The following SYCP2L variants were observed in gnomAD, a reference collection of about 807,000 sequenced individuals.
SYCP2L encodes the protein synaptonemal complex protein 2-like.
In SYCP2L, 98 loss-of-function variants were observed where a neutral mutation model predicts 125.8. The observed-to-expected ratio is 0.78, with a 90% CI of 0.66 to 0.92. SYCP2L has a LOEUF of 0.92. Ranked by LOEUF, SYCP2L falls within the 40% of genes least tolerant of loss-of-function variation. The pLI is 0.00. For synonymous variants in SYCP2L, 317 were observed against 325.4 expected, an observed-to-expected ratio of 0.97 and a Z score of 0.28; for missense variants, 842 against 936.4, an observed-to-expected ratio of 0.90 and a Z score of 1.32.
intron 4 of SYCP2L, among the ~76,000 whole-genome samples, chr6:10,897,098 G>A (rs2113291909): frequency 6.6e-6 from 1 of 152,172 alleles, no homozygotes; most frequent in East Asian, 1.9e-4. Flanking sequence ...AAATAAGATG[G>A]CTTTTGCTTT....
chr6:10,956,175 A>T lies in SYCP2L; in HGVS notation c.2096A>T (p.Asn699Ile), dbSNP rs1191757110. 3 of 1,614,014 alleles carry T rather than the reference A, an allele frequency of 1.9e-6. No individual in the cohort carries two copies. The highest frequency in any genetic ancestry group is 2.5e-6 in the Non-Finnish European group (3 of 1,179,958). Reference protein sequence around the residue: ...STSSLEVVPENLNGSAILPTF... With the variant: ...STSSLEVVPEILNGSAILPTF... ...TCATCCCTAGAAGTTGTGCCAGAGA[A>T]CTTGAACGGTTCTGCCATTCTCCCA... The change falls in exon 25 of 30, where the codon AAC (asparagine) becomes ATC (isoleucine). Residue 699 changes from asparagine to isoleucine, a missense_variant. Coordinates refer to ENST00000283141, the MANE Select transcript of SYCP2L (RefSeq NM_001040274.3).
intron 14 of SYCP2L, among the ~76,000 whole-genome samples, chr6:10,922,168 C>T (rs1385828128): frequency 6.6e-6 from 1 of 152,076 alleles, no homozygotes; most frequent in Non-Finnish European, 1.5e-5. Flanking sequence ...GTCAACTTGC[C>T]AAAGTTAATA....
At chr6:10,953,060 T>C (rs549725846) in intron 23 of SYCP2L, among the ~76,000 whole-genome samples, 1 of 152,252 alleles carries the variant, frequency 6.6e-6, no homozygotes, top group East Asian at 1.9e-4. Flanking sequence ...AATTTTTCAG[T>C]TTATGAAAGT....
chr6:10,969,032 C>T (rs1327203697), intron 29 of SYCP2L, among the ~76,000 whole-genome samples: 1 of 152,146 alleles, frequency 6.6e-6, no homozygotes, highest in Non-Finnish European at 1.5e-5. Flanking sequence ...AGCAACCCTC[C>T]CACTCAGTTG....
chr6:10,910,590 G>A (rs1780590155), intron 11 of SYCP2L, among the ~76,000 whole-genome samples: 3 of 152,072 alleles, frequency 2.0e-5, no homozygotes. Context: ...TGGGAATCTG[G>A]CTGAGTAACT....
intron 24 of SYCP2L, among the ~76,000 whole-genome samples, 176 bp downstream of exon 24, chr6:10,955,393 A>G (rs983017228): frequency 6.6e-6 from 1 of 152,238 alleles, no homozygotes; most frequent in Non-Finnish European, 1.5e-5. Flanking sequence ...CAAATTATAG[A>G]TAAAAGCAAG....
At chr6:10,964,197 T>C (rs1289586010) in intron 29 of SYCP2L, among the ~76,000 whole-genome samples, 2 of 152,200 alleles carry the variant, frequency 1.3e-5, no homozygotes, top group East Asian at 3.8e-4. Flanking sequence ...GACCATGTGA[T>C]CCGCCTGTCC....
intron 14 of SYCP2L, among the ~76,000 whole-genome samples, chr6:10,922,094 A>G (rs900089196): frequency 4.6e-5 from 7 of 152,202 alleles, no homozygotes; most frequent in Non-Finnish European, 1.0e-4. Flanking sequence ...GGGAAAAGGA[A>G]AAAGGTAAAA....
At chr6:10,969,899 C>T (rs1019806071) in intron 29 of SYCP2L, among the ~76,000 whole-genome samples, 4 of 151,956 alleles carry the variant, frequency 2.6e-5, no homozygotes, top group African/African-American at 9.7e-5. Context: ...ATGATCCCAC[C>T]TGTATGAAAT....
intron 9 of SYCP2L, 58 bp from the exon 10 acceptor site, chr6:10,907,484 T>C: frequency 6.6e-7 from 1 of 1,521,978 alleles, no homozygotes; most frequent in Non-Finnish European, 8.8e-7. Flanking sequence ...CTGGAACTCA[T>C]TTTTTCTTTT....
At chr6:10,933,824 T>C (rs994612678) in intron 20 of SYCP2L, among the ~76,000 whole-genome samples, 5 of 152,180 alleles carry the variant, frequency 3.3e-5, no homozygotes. Context: ...CAATTAATCC[T>C]CAAGAAGGAA....
intron 25 of SYCP2L, among the ~76,000 whole-genome samples, chr6:10,956,839 T>G (rs1405057871): frequency 6.6e-6 from 1 of 152,062 alleles, no homozygotes; most frequent in East Asian, 1.9e-4. Flanking sequence ...TGTTTTTAGT[T>G]TTTTAGAGAT....
At chr6:10,887,731 AGTTT>A (rs1780100954) in intron 1 of SYCP2L, among the ~76,000 whole-genome samples, 2 of 152,186 alleles carry the variant, frequency 1.3e-5, no homozygotes, top group Admixed American at 6.5e-5. Flanking sequence ...GTAGTTTGTT[AGTTT>A]GTTAGTGAGG....
chr6:10,918,155 G>A (rs1286702801), intron 14 of SYCP2L, among the ~76,000 whole-genome samples: 1 of 146,548 alleles, frequency 6.8e-6, no homozygotes, highest in East Asian at 2.0e-4. Context: ...CCGAGATCGC[G>A]CCACCTTACT....
intron 23 of SYCP2L, among the ~76,000 whole-genome samples, chr6:10,948,208 A>C (rs578136427): frequency 6.6e-6 from 1 of 152,226 alleles, no homozygotes; most frequent in African/African-American, 2.4e-5. Flanking sequence ...TGTTAATAAT[A>C]AAGATCTACT....
At chr6:10,968,777 CTT>C (rs1781719612) in intron 29 of SYCP2L, among the ~76,000 whole-genome samples, 2 of 152,172 alleles carry the variant, frequency 1.3e-5, no homozygotes, top group Non-Finnish European at 2.9e-5. Context: ...TGATGACTGT[CTT>C]TCAGCAGCTA....
intron 21 of SYCP2L, among the ~76,000 whole-genome samples, chr6:10,936,255 G>A (rs1385462431): frequency 1.3e-5 from 2 of 152,098 alleles, no homozygotes; most frequent in African/African-American, 4.8e-5. Context: ...CCAGCACTTT[G>A]GGAGGCTGAG....
At chr6:10,920,735 T>C (rs2113338541) in intron 14 of SYCP2L, among the ~76,000 whole-genome samples, 1 of 151,872 alleles carries the variant, frequency 6.6e-6, no homozygotes, top group East Asian at 1.9e-4. Context: ...TTTAAGTTAA[T>C]GGGTACATGT....
chr6:10,897,600 C>T (rs1367046504), intron 4 of SYCP2L, among the ~76,000 whole-genome samples: 6 of 152,012 alleles, frequency 3.9e-5, no homozygotes, highest in Admixed American at 6.6e-5. Flanking sequence ...TTTGTAGAGA[C>T]GAAGTTTAAC....
Sources: gnomAD v4.1 joint callset for allele counts (sites outside exome capture counted in the v4.1 genomes callset) on GRCh38, gnomAD v4.1.1 for gene constraint, MANE v1.5 for transcripts, NCBI Gene and HGNC (gene_info 2026-07-23, HGNC 2026-07-21) for gene names.